Variants in GJB3 observed in about 807,000 individuals in gnomAD.
GJB3 encodes gap junction beta-3 protein.
Under a neutral mutation model 8.1 loss-of-function variants are expected in GJB3, and 6 were observed. The observed-to-expected ratio is 0.75, with a 90% CI of 0.41 to 1.47. The LOEUF is 1.47. Ranked by LOEUF, GJB3 falls within the 40% of genes most tolerant of loss-of-function variation. GJB3 has a pLI of 0.02. For missense variants in GJB3, 348 were observed against 365.6 expected (o/e 0.95, Z 0.39); for synonymous variants, 137 against 156.4 (o/e 0.88, Z 0.93).
chr1:34,784,949 G>A lies in GJB3; in HGVS notation c.187G>A (p.Val63Ile), dbSNP rs61732295. The A allele has an allele frequency of 2.0e-4, 329 of 1,614,156 alleles. 1 individual carries two copies. In the African/African-American group the frequency reaches 3.9e-3, roughly 19 times the overall value. The change falls in exon 2 of 2, where the codon GTC (valine) becomes ATC (isoleucine). Residue 63 changes from valine to isoleucine, a missense_variant. By Grantham distance (29) the Val-to-Ile change is conservative. Transcript: ENST00000373366. Reference protein sequence around the residue: ...CNTKQPGCTNVCYDNYFPISN... With the variant: ...CNTKQPGCTNICYDNYFPISN... ...CACCAAGCAGCCCGGCTGCACCAACGTCTGCTACGACAACTACTTCCCCAT... is the reference window on the plus strand; with the variant it reads ...CACCAAGCAGCCCGGCTGCACCAACATCTGCTACGACAACTACTTCCCCAT...
Position 34,784,929 on chromosome 1 carries a change from A to G in GJB3, c.167A>G (p.Lys56Arg). 6.2e-7 allele frequency: 1 copy of G among 1,614,144 alleles called. No homozygotes were observed. Among genetic ancestry groups the G allele is most frequent in the Non-Finnish European group, 8.5e-7 (1 of 1,180,026 alleles). Residue 56 changes from lysine (K) to arginine (R), a missense_variant, in exon 2 of 2, where the codon AAG (lysine) becomes AGG (arginine). Coordinates refer to ENST00000373366, the MANE Select transcript of GJB3 (RefSeq NM_024009.3). ...CAGAAGGACTTTGACTGCAACACCA[A>G]GCAGCCCGGCTGCACCAACGTCTGC... ...DEQKDFDCNT[K>R]QPGCTNVCYD...
At position 34,785,216 on chromosome 1, in the gene GJB3, C is replaced by A. The variant is rs746922005; in HGVS notation, c.454C>A (p.Leu152Ile). ...CCTCTTCCTCTACCTGCTGCACACT[C>A]TCTGGCATGGCTTCAATATGCCGCG... ...EFLFLYLLHT[L>I]WHGFNMPRLV... The change falls in exon 2 of 2, where the codon CTC becomes ATC. Residue 152 changes from leucine to isoleucine, a missense_variant. Coordinates refer to ENST00000373366, the MANE Select transcript of GJB3 (RefSeq NM_024009.3). The surrounding 1 kb of genome is among the most constrained non-coding windows in gnomAD (Gnocchi z 4.7). 6.2e-7 allele frequency: 1 copy of A among 1,614,206 alleles called. No homozygotes were observed.
In GJB3 at chr1:34,785,469, C is replaced by T; in HGVS notation, c.707C>T (p.Ala236Val). The T allele has an allele frequency of 6.2e-7, 1 of 1,613,916 alleles. No homozygotes were observed. Among genetic ancestry groups the T allele is most frequent in the Non-Finnish European group, 8.5e-7 (1 of 1,179,916 alleles). ...GCSPSSSASR[A>V]STCRCHHKLV... ...AGCCCCTCGTCCTCCGCCAGCCGAG[C>T]TTCCACCTGCCGCTGCCACCACAAG... The change falls in exon 2 of 2, where the codon GCT (alanine) becomes GTT (valine). Residue 236 changes from alanine (A) to valine (V), a missense_variant. Physicochemically the swap from Ala to Val is moderately conservative, Grantham distance 64. Transcript: ENST00000373366. The surrounding 1 kb of genome is among the most constrained non-coding windows in gnomAD (Gnocchi z 4.7).
In GJB3 at chr1:34,785,513, G is replaced by T; in HGVS notation, c.751G>T (p.Val251Leu). The T allele has an allele frequency of 6.2e-7, 1 of 1,614,154 alleles. No individual in the cohort carries two copies. Among genetic ancestry groups the T allele is most frequent in the Non-Finnish European group, 8.5e-7 (1 of 1,180,028 alleles). Residue 251 changes from valine (V) to leucine (L), a missense_variant, in exon 2 of 2, where the codon GTG becomes TTG. Coordinates refer to ENST00000373366, the MANE Select transcript of GJB3 (RefSeq NM_024009.3). This position sits in a 1 kb window ranked among gnomAD's most constrained non-coding sequence, Gnocchi z 4.7. The stretch of plus-strand genomic sequence containing the variant: ...CCACAAGCTGGTGGAGGCTGGGGAG[G>T]TGGATCCAGACCCAGGCAATAACAA... ...CHHKLVEAGE[V>L]DPDPGNNKLQ...
chr1:34,785,276 A>G lies in GJB3; in HGVS notation c.514A>G (p.Asn172Asp). The G allele has an allele frequency of 6.2e-7, 1 of 1,613,458 alleles. No homozygotes were observed. The highest frequency in any genetic ancestry group is 8.5e-7 in the Non-Finnish European group (1 of 1,179,924). The change falls in exon 2 of 2, where the codon AAC becomes GAC. Residue 172 changes from asparagine to aspartate, a missense_variant. Coordinates refer to ENST00000373366, the MANE Select transcript of GJB3 (RefSeq NM_024009.3). The surrounding 1 kb of genome is among the most constrained non-coding windows in gnomAD (Gnocchi z 4.7). ...GTGTGCCAACGTGGCCCCCTGCCCCAACATCGTGGACTGCTACATTGCCCG... is the reference window on the plus strand; with the variant it reads ...GTGTGCCAACGTGGCCCCCTGCCCCGACATCGTGGACTGCTACATTGCCCG... ...VQCANVAPCP[N>D]IVDCYIARPT...
rs1393665268 is a variant in GJB3 at position 34,785,657 on chromosome 1, G to A, written c.*82G>A. 1 of 1,119,550 alleles carries A rather than the reference G, an allele frequency of 8.9e-7. No individual in the cohort carries two copies. Among genetic ancestry groups the A allele is most frequent in the Non-Finnish European group, 1.3e-6 (1 of 751,662 alleles). The allele number at this position is 1,119,550 out of a possible 1,614,324, so 69.4% of individuals were successfully genotyped here. A position where few individuals can be genotyped will look rare whatever the true frequency, so the allele number is the denominator to read the frequency against. On this transcript the variant is annotated 3_prime_UTR_variant, in exon 2 of 2. Transcript: ENST00000373366. The surrounding 1 kb of genome is among the most constrained non-coding windows in gnomAD (Gnocchi z 4.7). ...TGGCAGGTGGAGAGGTCCTACAGGGGCTGAGTGACCCCACTCTGAGTTCAC... is the reference window on the plus strand; with the variant it reads ...TGGCAGGTGGAGAGGTCCTACAGGGACTGAGTGACCCCACTCTGAGTTCAC...
At position 34,785,027 on chromosome 1, in the gene GJB3, C is replaced by A; in HGVS notation, c.265C>A (p.Leu89Met). 6.2e-7 allele frequency: 1 copy of A among 1,614,190 alleles called. No homozygotes were observed. Residue 89 changes from leucine (L) to methionine (M), a missense_variant, in exon 2 of 2, where the codon CTG (leucine) becomes ATG (methionine). By Grantham distance (15) the Leu-to-Met change is conservative (BLOSUM62 2). Transcript: ENST00000373366. The surrounding 1 kb of genome is among the most constrained non-coding windows in gnomAD (Gnocchi z 4.7). ...LQLIFVTCPS[L>M]LVILHVAYRE... ...GCTCATCTTCGTCACATGCCCCTCGCTGCTGGTCATCCTGCACGTGGCCTA... is the reference window on the plus strand; with the variant it reads ...GCTCATCTTCGTCACATGCCCCTCGATGCTGGTCATCCTGCACGTGGCCTA...
Position 34,785,901 on chromosome 1 carries a change from A to G in GJB3, c.*326A>G, listed in dbSNP as rs1001652639. ...ATCAACCCAGGAAGGGATGATCAGG[A>G]GAGGCTTCCCTGAGGACATAATGTG... On this transcript the variant is annotated 3_prime_UTR_variant, in exon 2 of 2. Coordinates refer to ENST00000373366, the MANE Select transcript of GJB3 (RefSeq NM_024009.3). This position sits in a 1 kb window ranked among gnomAD's most constrained non-coding sequence, Gnocchi z 4.7. 4 of 407,656 alleles carry G rather than the reference A, an allele frequency of 9.8e-6. No individual in the cohort carries two copies. The highest frequency in any genetic ancestry group is 8.2e-5 in the African/African-American group (4 of 48,756). 25.3% of individuals were successfully genotyped at this position (407,656 alleles called of 1,614,324 possible).
Position 34,786,167 on chromosome 1 carries a change from C to T in GJB3, c.*592C>T, listed in dbSNP as rs1483778994. On this transcript the variant is annotated 3_prime_UTR_variant, in exon 2 of 2. Coordinates refer to ENST00000373366, the MANE Select transcript of GJB3 (RefSeq NM_024009.3). This position sits in a 1 kb window ranked among gnomAD's most constrained non-coding sequence, Gnocchi z 4.4. ...GATACCCAGAGGTCCCCCAGGTCAT[C>T]ACTTGGCTCAGTGGAAGCCCTCTTT... 1 of 169,074 alleles carries T rather than the reference C, an allele frequency of 5.9e-6. No homozygotes were observed. The highest frequency in any genetic ancestry group is 1.4e-5 in the Non-Finnish European group (1 of 69,414). 10.5% of individuals were successfully genotyped at this position (169,074 alleles called of 1,614,324 possible).
rs1030997149 is a variant in GJB3 at position 34,785,789 on chromosome 1, T to C, written c.*214T>C. ...GCCCAGTGCCAGCCCTCAAAGGACATAGACTTTGAAACAAGCGAATTAACT... is the reference window on the plus strand; with the variant it reads ...GCCCAGTGCCAGCCCTCAAAGGACACAGACTTTGAAACAAGCGAATTAACT... On this transcript the variant is annotated 3_prime_UTR_variant, in exon 2 of 2. Coordinates refer to ENST00000373366, the MANE Select transcript of GJB3 (RefSeq NM_024009.3). This position sits in a 1 kb window ranked among gnomAD's most constrained non-coding sequence, Gnocchi z 4.7. The C allele has an allele frequency of 1.3e-5, 8 of 607,220 alleles. No individual in the cohort carries two copies. The highest frequency in any genetic ancestry group is 5.6e-5 in the African/African-American group (3 of 53,650). The allele number at this position is 607,220 out of a possible 1,614,324, so 37.6% of individuals were successfully genotyped here. A position where few individuals can be genotyped will look rare whatever the true frequency, so the allele number is the denominator to read the frequency against.
intron 1 of GJB3, among the ~76,000 whole-genome samples, chr1:34,783,238 G>T (rs1344182572): frequency 1.3e-5 from 2 of 150,934 alleles, no homozygotes; most frequent in African/African-American, 4.9e-5. Context: ...ACACAGCAAG[G>T]CCTTGGCTCA....
intron 1 of GJB3, among the ~76,000 whole-genome samples, chr1:34,783,247 CAAA>C (rs113744247): frequency 7.2e-6 from 1 of 138,658 alleles, no homozygotes; most frequent in Non-Finnish European, 1.6e-5. Context: ...GGCCTTGGCT[CAAA>C]AAAAAAAAAG....
At position 34,785,646 on chromosome 1, in the gene GJB3, G is replaced by T. The variant is rs964152842; in HGVS notation, c.*71G>T. The T allele has an allele frequency of 1.6e-6, 2 of 1,260,096 alleles. No homozygotes were observed. Among genetic ancestry groups the T allele is most frequent in the Non-Finnish European group, 2.3e-6 (2 of 870,628 alleles). 78.1% of individuals were successfully genotyped at this position (1,260,096 alleles called of 1,614,324 possible). The stretch of plus-strand genomic sequence containing the variant: ...GCAGGGCGGTGTGGCAGGTGGAGAG[G>T]TCCTACAGGGGCTGAGTGACCCCAC... On this transcript the variant is annotated 3_prime_UTR_variant, in exon 2 of 2. Coordinates refer to ENST00000373366, the MANE Select transcript of GJB3 (RefSeq NM_024009.3). The surrounding 1 kb of genome is among the most constrained non-coding windows in gnomAD (Gnocchi z 4.7).
rs144964568 is a variant in GJB3 at position 34,785,465 on chromosome 1, C to T, written c.703C>T (p.Arg235Ter). 46 of 1,613,702 alleles carry T rather than the reference C, an allele frequency of 2.9e-5. No homozygotes were observed. Among genetic ancestry groups the T allele is most frequent in the Non-Finnish European group, 3.8e-5 (45 of 1,179,862 alleles). ...GGCSPSSSAS[R>*]ASTCRCHHKL... is the part of the protein sequence containing the mutation. Reference sequence around the variant, plus strand: ...TTGCAGCCCCTCGTCCTCCGCCAGCCGAGCTTCCACCTGCCGCTGCCACCA... The same window carrying T: ...TTGCAGCCCCTCGTCCTCCGCCAGCTGAGCTTCCACCTGCCGCTGCCACCA... The change falls in exon 2 of 2, where the codon CGA becomes TGA. Residue 235 changes from arginine to a stop codon, truncating the protein, a stop_gained. Transcript: ENST00000373366. LOFTEE classifies it high-confidence loss of function. The surrounding 1 kb of genome is among the most constrained non-coding windows in gnomAD (Gnocchi z 4.7).
At chr1:34,784,700 A>C in intron 1 of GJB3, 38 bp from the exon 2 acceptor site, 1 of 1,322,662 alleles carries the variant, frequency 7.6e-7, no homozygotes, top group Non-Finnish European at 1.1e-6. Context: ...AAAGTCACCT[A>C]TTCATTCATA....
rs955251410 is a variant in GJB3, at chr1:34,781,496, A to T, written c.-308A>T. 7 of 152,082 alleles carry T rather than the reference A, an allele frequency of 4.6e-5. No homozygotes were observed. The highest frequency in any genetic ancestry group is 2.1e-4 in the South Asian group (1 of 4,818). 9.4% of individuals were successfully genotyped at this position (152,082 alleles called of 1,614,324 possible). ...CAGAGTGCTTCCCGCCCCTGATCTC[A>T]TTGGAGCCTTCGGACAGCCCAGCCC... is the stretch of plus-strand genomic sequence containing the variant. On this transcript the variant is annotated 5_prime_UTR_variant, in exon 1 of 2. Transcript: ENST00000373366. The surrounding 1 kb of genome is among the most constrained non-coding windows in gnomAD (Gnocchi z 6.2).
rs1450316173 is a variant in GJB3 at position 34,785,014 on chromosome 1, C to T, written c.252C>T (p.Val84=). ...IRLWALQLIF[V]TCPSLLVILH... is the part of the protein sequence containing the mutation. The stretch of plus-strand genomic sequence containing the variant: ...TCTGGGCCCTGCAGCTCATCTTCGT[C>T]ACATGCCCCTCGCTGCTGGTCATCC... The change falls in exon 2 of 2, where the codon GTC becomes GTT. Residue 84 remains valine, a synonymous_variant. Coordinates refer to ENST00000373366, the MANE Select transcript of GJB3 (RefSeq NM_024009.3). This position sits in a 1 kb window ranked among gnomAD's most constrained non-coding sequence, Gnocchi z 4.7. 1 of 1,614,190 alleles carries T rather than the reference C, an allele frequency of 6.2e-7. No individual in the cohort carries two copies. Among genetic ancestry groups the T allele is most frequent in the Non-Finnish European group, 8.5e-7 (1 of 1,180,030 alleles).
In GJB3 at chr1:34,786,336, C is replaced by T. The variant is rs969290447; in HGVS notation, c.*761C>T. 1.8e-5 allele frequency: 3 copies of T among 167,228 alleles called. No individual in the cohort carries two copies. Among genetic ancestry groups the T allele is most frequent in the Non-Finnish European group, 2.9e-5 (2 of 68,200 alleles). The allele number at this position is 167,228 out of a possible 1,614,324, so 10.4% of individuals were successfully genotyped here. A position where few individuals can be genotyped will look rare whatever the true frequency, so the allele number is the denominator to read the frequency against. ...GATAGAACATCCTCAAGACAGTTTC[C>T]TTGAAATCAATAAATACTGTGTTTT... On this transcript the variant is annotated 3_prime_UTR_variant, in exon 2 of 2. Coordinates refer to ENST00000373366, the MANE Select transcript of GJB3 (RefSeq NM_024009.3). This position sits in a 1 kb window ranked among gnomAD's most constrained non-coding sequence, Gnocchi z 4.4.
In GJB3 at chr1:34,785,610, C is replaced by T. The variant is rs1640101699; in HGVS notation, c.*35C>T. The stretch of plus-strand genomic sequence containing the variant: ...AGGGGTGGGGCAACATGCGGGCTGC[C>T]AATGGGACATGCAGGGCGGTGTGGC... On this transcript the variant is annotated 3_prime_UTR_variant, in exon 2 of 2. Coordinates refer to ENST00000373366, the MANE Select transcript of GJB3 (RefSeq NM_024009.3). The surrounding 1 kb of genome is among the most constrained non-coding windows in gnomAD (Gnocchi z 4.7). The T allele has an allele frequency of 1.3e-6, 2 of 1,555,824 alleles. No homozygotes were observed. Among genetic ancestry groups the T allele is most frequent in the Non-Finnish European group, 8.9e-7 (1 of 1,128,580 alleles).
Sources: gnomAD v4.1 joint callset for allele counts (sites outside exome capture counted in the v4.1 genomes callset) on GRCh38, gnomAD v4.1.1 for gene constraint, Gnocchi (gnomAD v3.1) non-coding constraint, MANE v1.5 for transcripts, NCBI Gene and HGNC (gene_info 2026-07-23, HGNC 2026-07-21) for gene names.